The following CYREN variants were observed in gnomAD, a reference collection of about 807,000 sequenced individuals.
The protein encoded by CYREN is cell cycle regulator of non-homologous end joining.
Under a neutral mutation model 9.7 loss-of-function variants are expected in CYREN, and 7 were observed. The ratio of observed to expected loss-of-function variants is 0.72; its 90% CI spans 0.41 to 1.36. The LOEUF (loss-of-function observed/expected upper bound fraction) is 1.36. CYREN is among the 40% of genes most tolerant of loss of function. The pLI is 0.01. For synonymous variants in CYREN, 76 were observed against 77.9 expected, an observed-to-expected ratio of 0.98 and a Z score of 0.13; for missense variants, 215 against 198.1, an observed-to-expected ratio of 1.09 and a Z score of -0.51.
intron 2 of CYREN, among the ~76,000 whole-genome samples, chr7:135,116,942 GTC>G (rs1395929726): frequency 2.0e-5 from 3 of 152,296 alleles, no homozygotes; most frequent in Non-Finnish European, 4.4e-5. Flanking sequence ...TCAGCTCCAA[GTC>G]TTGGATATAT....
At chr7:135,122,621 G>A (rs1235672969) in intron 2 of CYREN, among the ~76,000 whole-genome samples, 1 of 152,158 alleles carries the variant, frequency 6.6e-6, no homozygotes, top group Non-Finnish European at 1.5e-5. Context: ...CCCTATACGT[G>A]AGCAATACTG....
chr7:135,153,508 C>A (rs1306218680), intron 2 of CYREN, among the ~76,000 whole-genome samples: 1 of 149,680 alleles, frequency 6.7e-6, no homozygotes, highest in Non-Finnish European at 1.5e-5. Context: ...CAGATGTCGT[C>A]AAGGATGTGG....
At chr7:135,097,510 T>C (rs1246162718) in intron 2 of CYREN, among the ~76,000 whole-genome samples, 1 of 152,170 alleles carries the variant, frequency 6.6e-6, no homozygotes, top group Non-Finnish European at 1.5e-5. Flanking sequence ...TTATTGGCAA[T>C]GAAAATGTAA....
At chr7:135,138,011 T>C (rs558505493) in intron 2 of CYREN, among the ~76,000 whole-genome samples, 2 of 133,894 alleles carry the variant, frequency 1.5e-5, no homozygotes, top group East Asian at 6.1e-4. Context: ...GGGGTTAGGA[T>C]TGCAACATAT....
chr7:135,172,242 C>T (rs755755611), upstream of CYREN, among the ~76,000 whole-genome samples: 5 of 152,190 alleles, frequency 3.3e-5, no homozygotes, highest in Non-Finnish European at 5.9e-5. Flanking sequence ...TGAGTGGAAA[C>T]GTGGCCTGAT....
At chr7:135,133,972 T>C (rs6952469) in intron 2 of CYREN, among the ~76,000 whole-genome samples, 73,650 of 151,700 alleles carry the variant, frequency 0.49, 18,232 homozygotes, top group South Asian at 0.66. Flanking sequence ...AAGCTGATCC[T>C]AGAAGGTTAC....
chr7:135,132,612 G>A (rs1049578689), intron 2 of CYREN, among the ~76,000 whole-genome samples: 14 of 152,164 alleles, frequency 9.2e-5, no homozygotes, highest in African/African-American at 2.9e-4. Flanking sequence ...TCAAGGCAGG[G>A]TCAGGTGGAG....
chr7:135,093,406 A>G (rs947887495), exon 3 of CYREN: 1 of 152,212 alleles, frequency 6.6e-6, no homozygotes, highest in African/African-American at 2.4e-5. Context: ...ACTGTATGGT[A>G]TGTGAATTAC....
At chr7:135,119,561 A>AAAAAAAGGCTAAAAAACC (rs1247932483) in intron 2 of CYREN, among the ~76,000 whole-genome samples, 2 of 151,812 alleles carry the variant, frequency 1.3e-5, no homozygotes, top group Admixed American at 1.3e-4. Flanking sequence ...ATGAGACCAA[A>AAAAAAAGGCTAAAAAACC]AAAAAAAGAA....
At position 135,151,197 on chromosome 7, in the gene CYREN, G is replaced by A. The variant is rs752289065; in HGVS notation, n.356+17552C>T. Among the ~76,000 whole-genome samples the A allele has an allele frequency of 1.5e-4, 23 of 152,146 alleles. No homozygotes were observed. The highest frequency in any genetic ancestry group is 5.9e-5 in the Non-Finnish European group (4 of 68,028). ...CATTCATTAAAAACTTGGTGGTTGG[G>A]ATGGCTGTCCACAGAAAACACTGGT... On this transcript the variant is annotated intron_variant and non_coding_transcript_variant, in intron 2 of 2. Transcript: ENST00000459937. This position sits in a 1 kb window ranked among gnomAD's most constrained non-coding sequence, Gnocchi z 4.3.
At chr7:135,146,863 A>G (rs1040533934) in intron 2 of CYREN, among the ~76,000 whole-genome samples, 1 of 152,198 alleles carries the variant, frequency 6.6e-6, no homozygotes, top group African/African-American at 2.4e-5. Context: ...AAGTTTTGAA[A>G]AACTGACTCT....
At chr7:135,142,217 T>C (rs1167409549) in intron 2 of CYREN, among the ~76,000 whole-genome samples, 1 of 151,492 alleles carries the variant, frequency 6.6e-6, no homozygotes, top group Non-Finnish European at 1.5e-5. Context: ...ATTTGCCCAC[T>C]ATTTCAGACA....
exon 3 of CYREN, chr7:135,093,816 C>T (rs1420003483): frequency 6.6e-6 from 1 of 152,104 alleles, no homozygotes; most frequent in Non-Finnish European, 1.5e-5. Flanking sequence ...TGATAAAGAA[C>T]AATGTTTAAG....
chr7:135,148,111 G>A (rs938667737), intron 2 of CYREN: 2 of 455,874 alleles, frequency 4.4e-6, no homozygotes, highest in Admixed American at 4.7e-5. Context: ...AGGCAAGGGG[G>A]CACCAGCTCA....
At chr7:135,112,675 T>C (rs1020535911) in intron 2 of CYREN, among the ~76,000 whole-genome samples, 1 of 152,264 alleles carries the variant, frequency 6.6e-6, no homozygotes, top group Admixed American at 6.5e-5. Context: ...TTTTGCTCTC[T>C]AGTCCTGATT....
intron 2 of CYREN, chr7:135,128,582 T>C: frequency 1.3e-6 from 1 of 771,064 alleles, no homozygotes; most frequent in South Asian, 1.4e-5. Flanking sequence ...TTTCAAGATG[T>C]TTGTGAGCGC....
At chr7:135,171,694 C>T (rs1449042566), upstream of CYREN, among the ~76,000 whole-genome samples, 2 of 152,236 alleles carry the variant, frequency 1.3e-5, no homozygotes, top group Non-Finnish European at 2.9e-5. Flanking sequence ...GCCCTTTCTT[C>T]TACAGCTCCG....
chr7:135,107,124 C>T (rs1824845106), intron 2 of CYREN, among the ~76,000 whole-genome samples: 1 of 148,436 alleles, frequency 6.7e-6, no homozygotes, highest in African/African-American at 2.5e-5. Context: ...GTCTAGCTAC[C>T]AACCTATCTA....
At chr7:135,118,817 A>G (rs1472984175) in intron 2 of CYREN, among the ~76,000 whole-genome samples, 1 of 152,144 alleles carries the variant, frequency 6.6e-6, no homozygotes, top group African/African-American at 2.4e-5. Flanking sequence ...GAGAGAGAGA[A>G]AAAAATATTA....
Sources: gnomAD v4.1 joint callset for allele counts (sites outside exome capture counted in the v4.1 genomes callset) on GRCh38, gnomAD v4.1.1 for gene constraint, Gnocchi (gnomAD v3.1) non-coding constraint, MANE v1.5 for transcripts, NCBI Gene and HGNC (gene_info 2026-07-23, HGNC 2026-07-21) for gene names.